The following PVT1 variants were observed in gnomAD, a reference collection of about 807,000 sequenced individuals.
PVT1 encodes Pvt1 oncogene.
intron 2 of PVT1, among the ~76,000 whole-genome samples, chr8:127,886,684 AT>A (rs1330304809): frequency 6.6e-6 from 1 of 151,184 alleles, no homozygotes; most frequent in Non-Finnish European, 1.5e-5. Context: ...TTATCTTTTT[AT>A]TTACTAAGAA....
At chr8:127,985,396 G>A (rs1816958071) in intron 3 of PVT1, among the ~76,000 whole-genome samples, 1 of 151,416 alleles carries the variant, frequency 6.6e-6, no homozygotes, top group Admixed American at 6.6e-5. Flanking sequence ...CAAAGAGCTG[G>A]GATTACAGGT....
At chr8:127,843,917 G>T (rs1353195821) in intron 2 of PVT1, among the ~76,000 whole-genome samples, 1 of 152,048 alleles carries the variant, frequency 6.6e-6, no homozygotes. Flanking sequence ...GCAGGGGATT[G>T]TTGATATTCT....
At chr8:127,993,008 G>A (rs1215894172) in intron 4 of PVT1, among the ~76,000 whole-genome samples, 2 of 152,220 alleles carry the variant, frequency 1.3e-5, no homozygotes, top group Non-Finnish European at 2.9e-5. Context: ...GGCCCACTCG[G>A]AACTCTACGC....
intron 2 of PVT1, among the ~76,000 whole-genome samples, chr8:127,850,766 C>T (rs1466327867): frequency 6.6e-6 from 1 of 152,168 alleles, no homozygotes; most frequent in Non-Finnish European, 1.5e-5. Context: ...CGCCTGTAAT[C>T]CCAGCAGTTT....
chr8:127,958,612 G>T (rs1186287856), intron 3 of PVT1, among the ~76,000 whole-genome samples: 1 of 152,180 alleles, frequency 6.6e-6, no homozygotes, highest in Non-Finnish European at 1.5e-5. Context: ...TCCAGGGGAG[G>T]AAACTGAGGC....
chr8:128,059,046 G>A (rs917802493), intron 4 of PVT1, among the ~76,000 whole-genome samples: 2 of 151,952 alleles, frequency 1.3e-5, no homozygotes, highest in African/African-American at 2.4e-5. Flanking sequence ...GATTTGTCTT[G>A]TTTGGAGGGG....
intron 2 of PVT1, among the ~76,000 whole-genome samples, chr8:127,832,774 T>C (rs1165206263): frequency 4.0e-5 from 6 of 151,740 alleles, no homozygotes; most frequent in Admixed American, 6.6e-5. Flanking sequence ...AGGAGAATGG[T>C]GTGAACCCGG....
At chr8:127,813,202 A>ATATAAT (rs1456871452) in intron 2 of PVT1, among the ~76,000 whole-genome samples, 53 of 64,822 alleles carry the variant, frequency 8.2e-4, no homozygotes, top group African/African-American at 1.6e-3. Context: ...AAATATATAT[A>ATATAAT]ATATACAAAT....
At chr8:127,968,754 GT>G (rs1335108459) in intron 3 of PVT1, among the ~76,000 whole-genome samples, 3 of 152,164 alleles carry the variant, frequency 2.0e-5, no homozygotes, top group African/African-American at 7.2e-5. Context: ...TTGGGGTATG[GT>G]GAGCTCTTAA....
chr8:128,011,875 C>G (rs184257131), intron 4 of PVT1, among the ~76,000 whole-genome samples: 1 of 152,120 alleles, frequency 6.6e-6, no homozygotes, highest in African/African-American at 2.4e-5. Context: ...AGAGAATGCT[C>G]TGTCTCTGAC....
At chr8:127,823,149 C>T (rs531919778) in intron 2 of PVT1, among the ~76,000 whole-genome samples, 4 of 152,318 alleles carry the variant, frequency 2.6e-5, no homozygotes, top group Admixed American at 1.3e-4. Context: ...GTAATCCCTT[C>T]CCAGTTTATC....
rs145150000 is a variant in PVT1, at chr8:127,857,357, G to A, written n.373-33232G>A. The stretch of plus-strand genomic sequence containing the variant: ...ACTTGGTTATAAGAAGAGGCAGCTC[G>A]GTTCCCCCAGGGACTCTCAACAGTT... On this transcript the variant is annotated intron_variant and non_coding_transcript_variant, in intron 2 of 10. Coordinates refer to ENST00000651587, the Ensembl canonical transcript of PVT1. Among the ~76,000 whole-genome samples the A allele has an allele frequency of 3.0e-3, 463 of 152,012 alleles. 1 individual carries two copies. Among genetic ancestry groups the A allele is most frequent in the African/African-American group, 9.9e-3 (412 of 41,464 alleles).
chr8:127,918,857 A>G (rs1292210637), intron 3 of PVT1, among the ~76,000 whole-genome samples: 2 of 152,164 alleles, frequency 1.3e-5, no homozygotes, highest in Non-Finnish European at 2.9e-5. Context: ...ACTCGTAGCA[A>G]CCTGGCCACT....
At chr8:128,095,317 T>G (rs1489561130) in intron 5 of PVT1, among the ~76,000 whole-genome samples, 1 of 152,152 alleles carries the variant, frequency 6.6e-6, no homozygotes, top group Non-Finnish European at 1.5e-5. Context: ...GTTGGCAGGG[T>G]TCTCCACCAC....
intron 5 of PVT1, among the ~76,000 whole-genome samples, chr8:128,073,501 G>A (rs1814026022): frequency 6.6e-6 from 1 of 152,076 alleles, no homozygotes; most frequent in South Asian, 2.1e-4. Flanking sequence ...GGTAAATGCA[G>A]ACTTTTGACC....
intron 2 of PVT1, among the ~76,000 whole-genome samples, chr8:127,829,390 G>A (rs1814826382): frequency 6.6e-6 from 1 of 152,196 alleles, no homozygotes; most frequent in African/African-American, 2.4e-5. Context: ...TAAGGCCCCA[G>A]TGCCTTTAAG....
chr8:128,074,533 A>T lies in PVT1; in HGVS notation n.1114+4172A>T, dbSNP rs1814057391. ...GTGAGACTGTCTAAAAAAAAAAAAAAAAAGGGGGGGGCTCCTTCCCACTCA... is the reference window on the plus strand; with the variant it reads ...GTGAGACTGTCTAAAAAAAAAAAAATAAAGGGGGGGGCTCCTTCCCACTCA... On this transcript the variant is annotated intron_variant and non_coding_transcript_variant, in intron 5 of 10. Transcript: ENST00000651587. 4.6e-5 allele frequency among the ~76,000 whole-genome samples: 7 copies of T among 151,634 alleles called. No homozygotes were observed. The South Asian group carries it at 1.3e-3, about 27-fold the overall frequency.
At position 127,997,044 on chromosome 8, in the gene PVT1, G is replaced by GTTTTTTTTTTTTTTTTTTTTTTTTTTT. The variant is rs1293036762; in HGVS notation, n.912+7765_912+7766insTTTTTTTTTTTTTTTTTTTTTTTTTTT. Among the ~76,000 whole-genome samples, 4 of 81,594 alleles carry GTTTTTTTTTTTTTTTTTTTTTTTTTTT rather than the reference G, an allele frequency of 4.9e-5. 2 individuals are homozygous for GTTTTTTTTTTTTTTTTTTTTTTTTTTT. The highest frequency in any genetic ancestry group is 4.5e-5 in the Non-Finnish European group (2 of 44,508). 53.5% of individuals were successfully genotyped at this position (81,594 alleles called of 152,430 possible). On this transcript the variant is annotated intron_variant and non_coding_transcript_variant, in intron 4 of 10. Coordinates refer to ENST00000651587, the Ensembl canonical transcript of PVT1. ...GAACATTCACTGGTCATTTGCTTTC[G>GTTTTTTTTTTTTTTTTTTTTTTTTTTT]TTTTTTTTTTTTGTTTGTTTGTTTT...
chr8:128,037,941 G>A (rs1813484962), intron 4 of PVT1, among the ~76,000 whole-genome samples: 1 of 152,216 alleles, frequency 6.6e-6, no homozygotes, highest in African/African-American at 2.4e-5. Context: ...CTGTGAGGGA[G>A]TTTATCAACC....
Sources: allele counts gnomAD v4.1 joint callset (sites outside exome capture counted in the v4.1 genomes callset), GRCh38; gene constraint gnomAD v4.1.1; transcripts MANE v1.5; gene names NCBI Gene and HGNC (gene_info 2026-07-23, HGNC 2026-07-21).